The following CACNA2D3 variants were observed in gnomAD, a reference collection of about 807,000 sequenced individuals.
CACNA2D3 encodes calcium voltage-gated channel auxiliary subunit alpha2delta 3.
A neutral mutation model predicts 160.6 loss-of-function variants in CACNA2D3; 60 were observed. The observed-to-expected ratio is 0.37, with a 90% confidence interval of 0.30 to 0.46. The LOEUF is 0.46. Among genes scored for constraint, CACNA2D3 ranks in the 20% least tolerant of loss-of-function variants. The probability of loss-of-function intolerance (pLI) is 1.00; values close to 1 mark genes in which losing one functional copy is unlikely to be tolerated. For missense variants in CACNA2D3, 1,205 were observed against 1,365.0 expected (o/e 0.88, Z 1.85); for synonymous variants, 558 against 492.9 (o/e 1.13, Z -1.75).
At chr3:54,775,312 G>A (rs1400905691) in intron 13 of CACNA2D3, among the ~76,000 whole-genome samples, 1 of 152,172 alleles carries the variant, frequency 6.6e-6, no homozygotes, top group Non-Finnish European at 1.5e-5. Flanking sequence ...TATTAATTAT[G>A]ATACCATACT....
chr3:54,288,140 T>C (rs1389993252), intron 2 of CACNA2D3, among the ~76,000 whole-genome samples: 1 of 151,964 alleles, frequency 6.6e-6, no homozygotes, highest in Non-Finnish European at 1.5e-5. Context: ...AGGAGCTGGT[T>C]TTTTGAAAGG....
intron 9 of CACNA2D3, chr3:54,626,497 G>T: frequency 6.2e-7 from 1 of 1,607,422 alleles, no homozygotes; most frequent in South Asian, 1.1e-5. Context: ...CATGGTGGGC[G>T]TCTACAACGG....
intron 35 of CACNA2D3, among the ~76,000 whole-genome samples, chr3:55,036,007 C>T (rs1158294775): frequency 6.6e-6 from 1 of 152,090 alleles, no homozygotes; most frequent in Non-Finnish European, 1.5e-5. Flanking sequence ...GTAGATACAA[C>T]ATCAGTTCCA....
intron 3 of CACNA2D3, among the ~76,000 whole-genome samples, chr3:54,330,874 G>A (rs1704233286): frequency 6.6e-6 from 1 of 152,178 alleles, no homozygotes; most frequent in African/African-American, 2.4e-5. Flanking sequence ...CCATGGTCTG[G>A]GGATAGTGCA....
At chr3:55,025,550 C>T (rs1255453576) in intron 35 of CACNA2D3, among the ~76,000 whole-genome samples, 1 of 146,098 alleles carries the variant, frequency 6.8e-6, no homozygotes, top group Admixed American at 7.1e-5. Context: ...ACAAGAATTG[C>T]TTGAACCCAG....
At chr3:54,990,479 C>G (rs1052232543) in intron 31 of CACNA2D3, among the ~76,000 whole-genome samples, 1 of 152,062 alleles carries the variant, frequency 6.6e-6, no homozygotes, top group Non-Finnish European at 1.5e-5. Context: ...TGCGATAAGC[C>G]GAGGTCATGC....
At chr3:54,708,040 A>G (rs1198244604) in intron 11 of CACNA2D3, among the ~76,000 whole-genome samples, 1 of 152,198 alleles carries the variant, frequency 6.6e-6, no homozygotes, top group Non-Finnish European at 1.5e-5. Context: ...GTGCTGAACA[A>G]TGAATGAAGG....
At chr3:54,678,975 T>G (rs1028870892) in intron 11 of CACNA2D3, among the ~76,000 whole-genome samples, 1 of 152,146 alleles carries the variant, frequency 6.6e-6, no homozygotes, top group African/African-American at 2.4e-5. Context: ...GTTTCTTCTT[T>G]GTGGAGAGTG....
At chr3:54,388,893 G>T (rs1699233624) in intron 4 of CACNA2D3, among the ~76,000 whole-genome samples, 1 of 152,128 alleles carries the variant, frequency 6.6e-6, no homozygotes, top group Non-Finnish European at 1.5e-5. Context: ...GGCTTTTCAG[G>T]AATATTCTGA....
At chr3:54,969,778 C>G in intron 28 of CACNA2D3, 22 bp from the exon 29 acceptor site, 1 of 1,611,106 alleles carries the variant, frequency 6.2e-7, no homozygotes, top group Non-Finnish European at 8.5e-7. Flanking sequence ...AACACATTTC[C>G]CTCCACTTTT....
chr3:54,511,592 G>T (rs948499599), intron 5 of CACNA2D3, among the ~76,000 whole-genome samples: 1 of 152,108 alleles, frequency 6.6e-6, no homozygotes, highest in African/African-American at 2.4e-5. Flanking sequence ...TAATTTGTTT[G>T]TATTTTTAAT....
chr3:54,388,854 CTG>C (rs942994860), intron 4 of CACNA2D3, among the ~76,000 whole-genome samples: 10 of 152,152 alleles, frequency 6.6e-5, no homozygotes, highest in African/African-American at 2.2e-4. Flanking sequence ...CCCAGGGAAA[CTG>C]TGTCACTTTT....
intron 4 of CACNA2D3, among the ~76,000 whole-genome samples, chr3:54,431,193 C>T (rs1699984658): frequency 6.6e-6 from 1 of 151,748 alleles, no homozygotes; most frequent in South Asian, 2.1e-4. Flanking sequence ...AAAAATTAGC[C>T]AGGTGCAATG....
chr3:54,468,273 C>T (rs964019527), intron 4 of CACNA2D3, among the ~76,000 whole-genome samples: 4 of 152,200 alleles, frequency 2.6e-5, no homozygotes, highest in South Asian at 2.1e-4. Flanking sequence ...GGGTGCAGCC[C>T]GTGGAGGGTG....
chr3:54,462,937 T>C lies in CACNA2D3; in HGVS notation c.382-40555T>C, dbSNP rs868613760. 5.1e-3 allele frequency among the ~76,000 whole-genome samples: 774 copies of C among 150,748 alleles called. 9 individuals are homozygous for C. Among genetic ancestry groups the C allele is most frequent in the African/African-American group, 0.016 (664 of 41,068 alleles). The stretch of plus-strand genomic sequence containing the variant: ...ACCGGTTGTTCCTTTCCATGTTTAG[T>C]GCTTCCTTCAGGAGCTCTTTTAGGG... On this transcript the variant is annotated intron_variant, in intron 4 of 37. Transcript: ENST00000474759.
chr3:55,014,922 G>A (rs962953657), intron 34 of CACNA2D3, among the ~76,000 whole-genome samples: 6 of 152,234 alleles, frequency 3.9e-5, no homozygotes, highest in East Asian at 1.9e-4. Context: ...GATAATTCAC[G>A]TTTCCCAAAA....
intron 11 of CACNA2D3, among the ~76,000 whole-genome samples, chr3:54,736,915 C>G (rs868189549): frequency 2.0e-5 from 3 of 152,124 alleles, no homozygotes; most frequent in Non-Finnish European, 4.4e-5. Context: ...TGACAGTGAC[C>G]ACCTCAATGC....
rs1450544790 is a variant in CACNA2D3, at chr3:54,329,029, CGGGAAGG to C, written c.321+8474_321+8480del. Among the ~76,000 whole-genome samples the C allele has an allele frequency of 3.2e-3, 494 of 152,280 alleles. 5 individuals are homozygous for C. The highest frequency in any genetic ancestry group is 0.011 in the African/African-American group (459 of 41,542). Reference sequence around the variant, plus strand: ...TTGAGCTTGGTGCAGCCCCTCTCACCGGGAAGGGGTCCTGTTCCCAGATGGCTCGTTG... The same window carrying C: ...TTGAGCTTGGTGCAGCCCCTCTCACCGGTCCTGTTCCCAGATGGCTCGTTG... On this transcript the variant is annotated intron_variant, in intron 3 of 37. Coordinates refer to ENST00000474759, the MANE Select transcript of CACNA2D3 (RefSeq NM_018398.3).
At position 54,122,781 on chromosome 3, in the gene CACNA2D3, T is replaced by C; in HGVS notation, c.68T>C (p.Leu23Pro). Residue 23 changes from leucine (L) to proline (P), a missense_variant, in exon 1 of 38, where the codon CTC (leucine) becomes CCC (proline). Coordinates refer to ENST00000474759, the MANE Select transcript of CACNA2D3 (RefSeq NM_018398.3). ...TCGGCGCTTCTCGCTGCCGCGCTTC[T>C]CTACGCCGCGCTGGGGGACGTGGTG... is the stretch of plus-strand genomic sequence containing the variant. The part of the protein sequence containing the change: ...GASALLAAAL[L>P]YAALGDVVRS... 8.1e-7 allele frequency: 1 copy of C among 1,229,852 alleles called. No individual in the cohort carries two copies. The highest frequency in any genetic ancestry group is 1.0e-6 in the Non-Finnish European group (1 of 982,190). 76.2% of individuals were successfully genotyped at this position (1,229,852 alleles called of 1,614,324 possible). A position where few individuals can be genotyped will look rare whatever the true frequency, so the allele number is the denominator to read the frequency against.
Sources: gnomAD v4.1 joint callset for allele counts (sites outside exome capture counted in the v4.1 genomes callset) on GRCh38, gnomAD v4.1.1 for gene constraint, MANE v1.5 for transcripts, NCBI Gene and HGNC (gene_info 2026-07-23, HGNC 2026-07-21) for gene names.